The following DEFB114 variants were observed in gnomAD, a reference collection of about 807,000 sequenced individuals.
DEFB114 encodes defensin beta 114.
DEFB114 carries 4 observed loss-of-function variants against 2.4 expected under a neutral mutation model. The observed-to-expected ratio is 1.67, with a 90% confidence interval of 0.82 to 3.82. The LOEUF (loss-of-function observed/expected upper bound fraction) is 3.82, where lower values mean the gene tolerates loss of function less well. DEFB114 is among the 30% of genes most tolerant of loss of function. The pLI, the probability that DEFB114 is intolerant of heterozygous loss-of-function variation, is 0.01. For synonymous variants in DEFB114, 35 were observed against 24.6 expected (o/e 1.42, Z -1.26); for missense variants, 113 against 85.8 (o/e 1.32, Z -1.25).
At chr6:49,963,642 T>C (rs1012285045) in intron 1 of DEFB114, among the ~76,000 whole-genome samples, 6 of 150,030 alleles carry the variant, frequency 4.0e-5, no homozygotes, top group East Asian at 1.9e-4. Context: ...CATTTGATCA[T>C]CTTATAGATT....
Position 49,960,350 on chromosome 6 carries a change from G to A in DEFB114, c.152C>T (p.Ser51Phe). 1 of 1,607,440 alleles carries A rather than the reference G, an allele frequency of 6.2e-7. No individual in the cohort carries two copies. The highest frequency in any genetic ancestry group is 8.5e-7 in the Non-Finnish European group (1 of 1,176,198). ...AGTGCAGCAAATTTTTCTTGGTAAG[G>A]AACATATGTCTATTTGCTTTTCACT... Reference protein sequence around the residue: ...LESEKQIDICSLPRKICCTEK... With the variant: ...LESEKQIDICFLPRKICCTEK... Residue 51 changes from serine (S) to phenylalanine (F), a missense_variant, in exon 2 of 2, where the codon TCC (serine) becomes TTC (phenylalanine). Coordinates refer to ENST00000322066, the MANE Select transcript of DEFB114 (RefSeq NM_001037499.2).
rs773752059 is a variant in DEFB114, at chr6:49,960,300, TATC to T, written c.199_201del (p.Asp67del). On this transcript the variant is annotated inframe_deletion, in exon 2 of 2. Transcript: ENST00000322066. ...GAGGTATGCCTTTCTTTTCAAAACA[TATC>T]ATCTTCTTCATACAATTTCTCAGTG... The T allele has an allele frequency of 6.9e-6, 11 of 1,603,460 alleles. No individual in the cohort carries two copies. The highest frequency in any genetic ancestry group is 6.0e-6 in the Non-Finnish European group (7 of 1,174,286).
intron 1 of DEFB114, 106 bp from the exon 2 acceptor site, chr6:49,960,552 C>T (rs1425825333): frequency 8.1e-7 from 1 of 1,227,552 alleles, no homozygotes; most frequent in Non-Finnish European, 1.1e-6. Flanking sequence ...TTAGAAAATA[C>T]CAAAAAAAAA....
At chr6:49,962,152 T>A (rs945545101) in intron 1 of DEFB114, among the ~76,000 whole-genome samples, 1 of 150,548 alleles carries the variant, frequency 6.6e-6, no homozygotes, top group Non-Finnish European at 1.5e-5. Flanking sequence ...AGCTTCAACA[T>A]TAATAGATAA....
Position 49,960,454 on chromosome 6 carries a change from A to C in DEFB114, c.56-8T>G, listed in dbSNP as rs1419840756. ...TCACCAAGGTACATGTGGCTACGGT[A>C]AAAGAAGAGTAACAGAAATTCTAAT... On this transcript the variant is annotated splice_region_variant and splice_polypyrimidine_tract_variant and intron_variant, in intron 1 of 1. Coordinates refer to ENST00000322066, the MANE Select transcript of DEFB114 (RefSeq NM_001037499.2). 6.3e-7 allele frequency: 1 copy of C among 1,581,790 alleles called. No individual in the cohort carries two copies. Among genetic ancestry groups the C allele is most frequent in the Non-Finnish European group, 8.6e-7 (1 of 1,167,926 alleles).
At chr6:49,962,180 A>G (rs2113912462) in intron 1 of DEFB114, among the ~76,000 whole-genome samples, 1 of 150,628 alleles carries the variant, frequency 6.6e-6, no homozygotes, top group East Asian at 1.9e-4. Flanking sequence ...CAGATGTTCA[A>G]ATAATTGGTG....
Position 49,960,389 on chromosome 6 carries a change from C to G in DEFB114, c.113G>C (p.Arg38Thr), listed in dbSNP as rs2113911231. Residue 38 changes from arginine (R) to threonine (T), a missense_variant, in exon 2 of 2, where the codon AGA becomes ACA. Coordinates refer to ENST00000322066, the MANE Select transcript of DEFB114 (RefSeq NM_001037499.2). ...RCTKRYGRCK[R>T]DCLESEKQID... ...TTGCTTTTCACTCTCAAGACAGTCT[C>G]TTTTACAACGACCGTAACGTTTGGT... 6.2e-7 allele frequency: 1 copy of G among 1,608,532 alleles called. No individual in the cohort carries two copies. The highest frequency in any genetic ancestry group is 2.2e-5 in the East Asian group (1 of 44,672).
chr6:49,962,036 G>T (rs1773470500), intron 1 of DEFB114, among the ~76,000 whole-genome samples: 1 of 150,390 alleles, frequency 6.6e-6, no homozygotes, highest in Non-Finnish European at 1.5e-5. Context: ...TATTCAGGTT[G>T]TTTCCCATTT....
chr6:49,964,089 T>C lies in DEFB114; in HGVS notation c.17A>G (p.Tyr6Cys), dbSNP rs757068824. 5.0e-6 allele frequency: 8 copies of C among 1,585,930 alleles called. No homozygotes were observed. The highest frequency in any genetic ancestry group is 3.4e-5 in the South Asian group (3 of 87,436). ...GGTCACATAACACAGAAAATGGAGA[T>C]AGTAAAAGATCCTCATTCTGTAGAA... MRIFY[Y>C]LHFLCYVTFI... is the part of the protein sequence containing the mutation. Residue 6 changes from tyrosine (Y) to cysteine (C), a missense_variant, in exon 1 of 2, where the codon TAT becomes TGT. Transcript: ENST00000322066.
chr6:49,963,672 A>C (rs906246106), intron 1 of DEFB114, among the ~76,000 whole-genome samples: 2 of 149,994 alleles, frequency 1.3e-5, no homozygotes, highest in Non-Finnish European at 3.0e-5. Context: ...ATATTCCAAG[A>C]AATATACACT....
intron 1 of DEFB114, among the ~76,000 whole-genome samples, chr6:49,963,750 A>G (rs1183485349): frequency 2.7e-5 from 4 of 149,802 alleles, no homozygotes; most frequent in Non-Finnish European, 6.0e-5. Context: ...TGAGACTTAT[A>G]AATAAATTTA....
chr6:49,964,122 G>A lies in DEFB114; in HGVS notation c.-17C>T, dbSNP rs139140570. 1.9e-6 allele frequency: 3 copies of A among 1,564,302 alleles called. No individual in the cohort carries two copies. In the East Asian group the frequency reaches 6.8e-5, roughly 36 times the overall value. The stretch of plus-strand genomic sequence containing the variant: ...GATCCTCATTCTGTAGAAAGAAGTT[G>A]TTGAAAGACTTGATAACAGAATATA... On this transcript the variant is annotated 5_prime_UTR_variant, in exon 1 of 2. Transcript: ENST00000322066.
intron 1 of DEFB114, among the ~76,000 whole-genome samples, chr6:49,963,610 G>A (rs968479346): frequency 3.3e-5 from 5 of 149,516 alleles, no homozygotes; most frequent in African/African-American, 4.9e-5. Flanking sequence ...TTACTATTCA[G>A]TTCAAAATAT....
intron 1 of DEFB114, among the ~76,000 whole-genome samples, chr6:49,962,172 G>T (rs1338734762): frequency 6.6e-6 from 1 of 150,492 alleles, no homozygotes; most frequent in Non-Finnish European, 1.5e-5. Context: ...ATGCCAAACA[G>T]ATGTTCAAAT....
chr6:49,961,438 T>A (rs1307863976), intron 1 of DEFB114, among the ~76,000 whole-genome samples: 1 of 150,736 alleles, frequency 6.6e-6, no homozygotes, highest in Non-Finnish European at 1.5e-5. Flanking sequence ...TTTCTTCACC[T>A]CTTTAAATGA....
Position 49,960,257 on chromosome 6 carries a change from A to G in DEFB114, c.*35T>C. On this transcript the variant is annotated 3_prime_UTR_variant, in exon 2 of 2. Coordinates refer to ENST00000322066, the MANE Select transcript of DEFB114 (RefSeq NM_001037499.2). ...CCCACACCTCTCTGCACTGGTGCAC[A>G]TGTAACTTCTTTGTTCAGAGGTATG... is the stretch of plus-strand genomic sequence containing the variant. 3 of 1,563,870 alleles carry G rather than the reference A, an allele frequency of 1.9e-6. No individual in the cohort carries two copies. Among genetic ancestry groups the G allele is most frequent in the Non-Finnish European group, 2.6e-6 (3 of 1,157,526 alleles).
chr6:49,963,397 T>G (rs1773493991), intron 1 of DEFB114, among the ~76,000 whole-genome samples: 1 of 150,122 alleles, frequency 6.7e-6, no homozygotes, highest in Non-Finnish European at 1.5e-5. Flanking sequence ...CTTCTTTATT[T>G]TCTCTAGTGT....
intron 1 of DEFB114, among the ~76,000 whole-genome samples, chr6:49,963,095 A>C (rs1023790393): frequency 1.3e-5 from 2 of 150,304 alleles, no homozygotes; most frequent in African/African-American, 4.8e-5. Flanking sequence ...AATAACACCA[A>C]TTATACACAA....
chr6:49,960,691 T>G (rs1773443783), intron 1 of DEFB114, among the ~76,000 whole-genome samples: 1 of 150,816 alleles, frequency 6.6e-6, no homozygotes, highest in Non-Finnish European at 1.5e-5. Context: ...GATTAAAAAC[T>G]TCATGACACA....
Sources: gnomAD v4.1 joint callset for allele counts (sites outside exome capture counted in the v4.1 genomes callset) on GRCh38, gnomAD v4.1.1 for gene constraint, MANE v1.5 for transcripts, NCBI Gene and HGNC (gene_info 2026-07-23, HGNC 2026-07-21) for gene names.